The following TENM1 variants were observed in gnomAD, a reference collection of about 807,000 sequenced individuals.
TENM1 encodes the protein teneurin transmembrane protein 1.
TENM1 carries 35 observed loss-of-function variants against 174.8 expected under a neutral mutation model. The ratio of observed to expected loss-of-function variants is 0.20; its 90% CI spans 0.15 to 0.27. TENM1 has a LOEUF of 0.27. Among genes scored for constraint, TENM1 ranks in the 10% least tolerant of loss-of-function variants. TENM1 has a pLI of 1.00. For missense variants in TENM1, 1,633 were observed against 2,130.1 expected, an observed-to-expected ratio of 0.77 and a Z score of 4.59; for synonymous variants, 781 against 798.7, an observed-to-expected ratio of 0.98 and a Z score of 0.37.
At chrX:125,023,829 T>C in the TENM1 span, among the ~76,000 whole-genome samples, 1 of 110,921 alleles carries the variant, frequency 9.0e-6, no homozygotes, top group Middle Eastern at 4.7e-3. Flanking sequence ...TTGCGAACAA[T>C]GCATCCAACA....
the TENM1 span, among the ~76,000 whole-genome samples, chrX:125,148,889 T>TA: frequency 8.9e-6 from 1 of 111,768 alleles, no homozygotes; most frequent in East Asian, 2.8e-4. Context: ...ATAATTATAG[T>TA]AAACTCCTAA....
At chrX:124,588,284 A>G (rs1396746616) in intron 11 of TENM1, among the ~76,000 whole-genome samples, 8 of 111,513 alleles carry the variant, frequency 7.2e-5, no homozygotes, top group Non-Finnish European at 1.5e-4. Flanking sequence ...AAGACTTGGA[A>G]CCAACCCAAA....
At chrX:124,698,510 T>C (rs944307856) in intron 5 of TENM1, among the ~76,000 whole-genome samples, 1 of 111,355 alleles carries the variant, frequency 9.0e-6, no homozygotes, top group African/African-American at 3.3e-5. Context: ...AGTCTTCTAA[T>C]TTATCTCCAT....
At chrX:124,451,280 TA>T (rs368106065) in intron 23 of TENM1, among the ~76,000 whole-genome samples, 113 of 108,034 alleles carry the variant, frequency 1.0e-3, no homozygotes, top group African/African-American at 3.7e-3. Context: ...CTCACTGGCC[TA>T]AAAAAAAAAC....
At chrX:124,490,802 T>C (rs1250044581) in intron 20 of TENM1, among the ~76,000 whole-genome samples, 1 of 111,702 alleles carries the variant, frequency 9.0e-6, no homozygotes, top group Non-Finnish European at 1.9e-5. Flanking sequence ...TCTAATAGAG[T>C]TGTGAAATTA....
intron 18 of TENM1, among the ~76,000 whole-genome samples, chrX:124,516,552 G>T (rs1287023282): frequency 1.8e-5 from 2 of 112,215 alleles, no homozygotes; most frequent in African/African-American, 6.5e-5. Flanking sequence ...GGCATGAACA[G>T]ATGCTTTTCA....
chrX:124,419,499 T>G (rs902656163), intron 25 of TENM1, among the ~76,000 whole-genome samples: 4 of 112,073 alleles, frequency 3.6e-5, no homozygotes, highest in Non-Finnish European at 7.5e-5. Context: ...ACCAGCTTTC[T>G]AGATGGGCTT....
chrX:124,603,244 G>C (rs1359690990), intron 11 of TENM1, among the ~76,000 whole-genome samples: 3 of 111,564 alleles, frequency 2.7e-5, no homozygotes, highest in African/African-American at 6.5e-5. Flanking sequence ...TGTTATGATA[G>C]CTCTAGGAAA....
chrX:124,608,781 C>CTT (rs55733864), intron 11 of TENM1, among the ~76,000 whole-genome samples: 90 of 93,124 alleles, frequency 9.7e-4, no homozygotes, highest in Non-Finnish European at 1.4e-3. Flanking sequence ...GAAGAGTAAG[C>CTT]TTTTTTTTTT....
At chrX:124,668,997 G>C (rs145750668) in intron 6 of TENM1, among the ~76,000 whole-genome samples, 1,689 of 111,825 alleles carry the variant, frequency 0.015, 37 homozygotes, top group African/African-American at 0.052. Context: ...AAAGTTCATA[G>C]TGGTTTGAAA....
chrX:125,047,462 G>C, the TENM1 span, among the ~76,000 whole-genome samples: 1 of 111,336 alleles, frequency 9.0e-6, no homozygotes, highest in Non-Finnish European at 1.9e-5. Context: ...AAATTTCTCA[G>C]GGATATATGA....
chrX:124,966,478 C>T (rs1348072065), upstream of TENM1, among the ~76,000 whole-genome samples: 4 of 109,532 alleles, frequency 3.7e-5, no homozygotes, highest in African/African-American at 6.7e-5. Context: ...CTGGCTAACA[C>T]GGTGAAACCC....
intron 3 of TENM1, among the ~76,000 whole-genome samples, chrX:124,845,354 T>C (rs2056585712): frequency 9.0e-6 from 1 of 111,276 alleles, no homozygotes; most frequent in Admixed American, 9.6e-5. Flanking sequence ...AAGTCTTCAG[T>C]GGGCCCTAGA....
chrX:124,690,060 T>C (rs1040060584), intron 5 of TENM1, among the ~76,000 whole-genome samples: 14 of 111,963 alleles, frequency 1.3e-4, no homozygotes, highest in African/African-American at 4.2e-4. Context: ...TGAGTTAAAG[T>C]AGAACACATG....
At chrX:125,071,540 G>A in the TENM1 span, among the ~76,000 whole-genome samples, 2 of 111,767 alleles carry the variant, frequency 1.8e-5, no homozygotes, top group Non-Finnish European at 3.8e-5. Context: ...TACATGAAAC[G>A]TTTCAACCAC....
chrX:124,402,729 T>C (rs766138127), intron 27 of TENM1, among the ~76,000 whole-genome samples: 1 of 111,747 alleles, frequency 8.9e-6, no homozygotes, highest in Non-Finnish European at 1.9e-5. Context: ...GAAAGTTTTT[T>C]TGAGGCTATA....
chrX:124,904,888 A>G lies in TENM1; in HGVS notation c.218-8647T>C, dbSNP rs200101469. On this transcript the variant is annotated intron_variant, in intron 1 of 31. Transcript: ENST00000422452. Reference sequence around the variant, plus strand: ...GAAACTTCTTTTGTCATTCTCATCAACCAGTTTCATGCCATATCCCAGATA... The same window carrying G: ...GAAACTTCTTTTGTCATTCTCATCAGCCAGTTTCATGCCATATCCCAGATA... 6.3e-5 allele frequency among the ~76,000 whole-genome samples: 7 copies of G among 111,807 alleles called. No homozygotes were observed. In the East Asian group the frequency reaches 2.0e-3, roughly 32 times the overall value.
the TENM1 span, among the ~76,000 whole-genome samples, chrX:125,016,059 T>A: frequency 0.02 from 2,193 of 110,519 alleles, 72 homozygotes; most frequent in African/African-American, 0.068. Context: ...CCTCCAAAAA[T>A]TTTTTTTTAT....
intron 4 of TENM1, among the ~76,000 whole-genome samples, chrX:124,710,052 T>A (rs1265230117): frequency 8.9e-6 from 1 of 111,838 alleles, no homozygotes; most frequent in Non-Finnish European, 1.9e-5. Flanking sequence ...GATTGTGCTG[T>A]TACTTTAAGG....
Sources: gnomAD v4.1 joint callset for allele counts (sites outside exome capture counted in the v4.1 genomes callset) on GRCh38, gnomAD v4.1.1 for gene constraint, MANE v1.5 for transcripts, NCBI Gene and HGNC (gene_info 2026-07-23, HGNC 2026-07-21) for gene names.